SPOCK1: variants seen among roughly 807,000 people sequenced by gnomAD.
SPOCK1 encodes SPARC (osteonectin), cwcv and kazal like domains proteoglycan 1.
A neutral mutation model predicts 55.3 loss-of-function variants in SPOCK1; 23 were observed. The observed-to-expected ratio is 0.42, with a 90% CI of 0.30 to 0.59. SPOCK1 has a LOEUF of 0.59. Among genes scored for constraint, SPOCK1 ranks in the 20% least tolerant of loss-of-function variants. The pLI, the probability that SPOCK1 is intolerant of heterozygous loss-of-function variation, is 0.22. For missense variants in SPOCK1, 499 were observed against 552.5 expected (o/e 0.90, Z 0.97); for synonymous variants, 226 against 221.0 (o/e 1.02, Z -0.20).
intron 2 of SPOCK1, among the ~76,000 whole-genome samples, chr5:137,268,739 G>T (rs1285366951): frequency 1.3e-5 from 2 of 150,350 alleles, no homozygotes; most frequent in South Asian, 4.2e-4. Context: ...AGGATCAACC[G>T]TTCATCCTTC....
chr5:137,085,580 C>A (rs952934346), intron 5 of SPOCK1, among the ~76,000 whole-genome samples: 2 of 152,286 alleles, frequency 1.3e-5, no homozygotes, highest in East Asian at 3.9e-4. Context: ...AGAACACTCA[C>A]CTTTTGCAAG....
At chr5:137,453,987 A>G (rs1392909897) in intron 2 of SPOCK1, among the ~76,000 whole-genome samples, 5 of 152,158 alleles carry the variant, frequency 3.3e-5, no homozygotes, top group Non-Finnish European at 7.3e-5. Flanking sequence ...CTAAGGACAA[A>G]CATTATGATG....
chr5:137,392,333 G>T (rs1318592705), intron 2 of SPOCK1, among the ~76,000 whole-genome samples: 1 of 152,054 alleles, frequency 6.6e-6, no homozygotes, highest in East Asian at 1.9e-4. Flanking sequence ...AATCCCCAAC[G>T]CCAGCCCACA....
intron 3 of SPOCK1, among the ~76,000 whole-genome samples, chr5:137,192,380 C>T (rs183966891): frequency 6.6e-6 from 1 of 152,224 alleles, no homozygotes; most frequent in African/African-American, 2.4e-5. Context: ...ACCCAGCTCC[C>T]AAGACCTGAA....
intron 4 of SPOCK1, among the ~76,000 whole-genome samples, chr5:137,124,888 G>C (rs938080265): frequency 6.6e-6 from 1 of 152,126 alleles, no homozygotes; most frequent in Admixed American, 6.5e-5. Flanking sequence ...GGTCGGGCAG[G>C]GTGCAGAGTC....
chr5:137,392,839 T>G (rs1326865496), intron 2 of SPOCK1, among the ~76,000 whole-genome samples: 1 of 152,186 alleles, frequency 6.6e-6, no homozygotes, highest in African/African-American at 2.4e-5. Flanking sequence ...TTGGTTCCCT[T>G]TCTCCAGCCT....
intron 2 of SPOCK1, among the ~76,000 whole-genome samples, chr5:137,300,500 T>G (rs1185546400): frequency 6.6e-6 from 1 of 152,162 alleles, no homozygotes; most frequent in Non-Finnish European, 1.5e-5. Context: ...TTAAAATAAT[T>G]TTTATTTTTA....
At chr5:137,459,633 A>G (rs1528963) in intron 2 of SPOCK1, among the ~76,000 whole-genome samples, 61,383 of 151,882 alleles carry the variant, frequency 0.4, 13,500 homozygotes, top group East Asian at 0.64. Flanking sequence ...AAGGAGGTGC[A>G]TGTGGTTTCC....
At chr5:137,110,528 C>G (rs1182791697) in intron 5 of SPOCK1, among the ~76,000 whole-genome samples, 1 of 152,166 alleles carries the variant, frequency 6.6e-6, no homozygotes. Context: ...CCTTTAAATC[C>G]ACCACTCCAG....
chr5:137,213,455 C>T (rs11242372), intron 3 of SPOCK1, among the ~76,000 whole-genome samples: 60,583 of 152,050 alleles, frequency 0.4, 13,189 homozygotes, highest in Non-Finnish European at 0.48. Context: ...TCTCATTTTA[C>T]GCCATCAAAC....
intron 2 of SPOCK1, among the ~76,000 whole-genome samples, chr5:137,287,099 G>A (rs765421637): frequency 2.0e-5 from 3 of 152,136 alleles, no homozygotes; most frequent in Non-Finnish European, 2.9e-5. Flanking sequence ...TTTTCAGTTG[G>A]TCCTGCAAGC....
chr5:137,091,034 T>C (rs1365246750), intron 5 of SPOCK1, among the ~76,000 whole-genome samples: 3 of 152,154 alleles, frequency 2.0e-5, no homozygotes, highest in African/African-American at 7.2e-5. Flanking sequence ...CAGGATCCTC[T>C]GTGTTCAATG....
chr5:136,992,367 A>G, intron 7 of SPOCK1, 117 bp downstream of exon 7: 2 of 828,250 alleles, frequency 2.4e-6, no homozygotes, highest in African/African-American at 1.8e-5. Flanking sequence ...ATTGGGACAT[A>G]TTTAAAGTCA....
chr5:137,025,159 G>A (rs1751648859), intron 6 of SPOCK1, among the ~76,000 whole-genome samples: 1 of 152,140 alleles, frequency 6.6e-6, no homozygotes, highest in South Asian at 2.1e-4. Flanking sequence ...AAGTTAAGAT[G>A]AATAAGCACT....
At chr5:137,201,679 AG>A (rs1435072747) in intron 3 of SPOCK1, among the ~76,000 whole-genome samples, 1 of 152,188 alleles carries the variant, frequency 6.6e-6, no homozygotes, top group Non-Finnish European at 1.5e-5. Flanking sequence ...CAGCAATATA[AG>A]CTTTCCTCTA....
At chr5:137,471,916 C>A (rs1301901141) in intron 2 of SPOCK1, among the ~76,000 whole-genome samples, 8 of 152,136 alleles carry the variant, frequency 5.3e-5, no homozygotes, top group Non-Finnish European at 8.8e-5. Context: ...GACCTGAGGG[C>A]ATGGGAAATA....
chr5:137,139,931 T>C (rs1458964015), intron 4 of SPOCK1, among the ~76,000 whole-genome samples: 1 of 152,170 alleles, frequency 6.6e-6, no homozygotes, highest in African/African-American at 2.4e-5. Flanking sequence ...ATCCACTGGA[T>C]AGATGATGCT....
intron 3 of SPOCK1, among the ~76,000 whole-genome samples, chr5:137,186,801 C>G (rs78057086): frequency 0.12 from 17,860 of 152,114 alleles, 1,236 homozygotes; most frequent in East Asian, 0.22. Flanking sequence ...TCTTCACTGC[C>G]TCGCTTCCTC....
At chr5:137,098,887 C>T (rs115345957) in intron 5 of SPOCK1, among the ~76,000 whole-genome samples, 2,985 of 152,300 alleles carry the variant, frequency 0.02, 95 homozygotes, top group African/African-American at 0.068. Context: ...ACCTGCTCTG[C>T]AACCTCAGCC....
Sources: allele counts gnomAD v4.1 joint callset (sites outside exome capture counted in the v4.1 genomes callset), GRCh38; gene constraint gnomAD v4.1.1; transcripts MANE v1.5; gene names NCBI Gene and HGNC (gene_info 2026-07-23, HGNC 2026-07-21).